IPO11: variants seen among roughly 807,000 people sequenced by gnomAD.
IPO11 encodes the protein importin-11.
A neutral mutation model predicts 143.2 loss-of-function variants in IPO11; 66 were observed. The ratio of observed to expected loss-of-function variants is 0.46; its 90% CI spans 0.38 to 0.57. IPO11 has a LOEUF of 0.57. IPO11 is among the 20% of genes least tolerant of loss of function. The pLI is 0.00. For synonymous variants in IPO11, 385 were observed against 377.8 expected (o/e 1.02, Z -0.22); for missense variants, 1,026 against 1,141.0 (o/e 0.90, Z 1.45).
At chr5:62,582,349 G>C (rs1368930128) in intron 27 of IPO11, among the ~76,000 whole-genome samples, 1 of 152,200 alleles carries the variant, frequency 6.6e-6, no homozygotes, top group African/African-American at 2.4e-5. Context: ...TGGTTGAGGC[G>C]TGGCAGGGGA....
At chr5:62,592,175 G>A (rs1366659071) in intron 28 of IPO11, among the ~76,000 whole-genome samples, 3 of 152,158 alleles carry the variant, frequency 2.0e-5, no homozygotes, top group South Asian at 2.1e-4. Flanking sequence ...ATGTTACAGC[G>A]ACAACCTGAA....
At chr5:62,616,994 A>C (rs1239864132) in intron 29 of IPO11, among the ~76,000 whole-genome samples, 1 of 152,186 alleles carries the variant, frequency 6.6e-6, no homozygotes, top group African/African-American at 2.4e-5. Flanking sequence ...CTCATTCAAC[A>C]TTTCCTCTTT....
intron 29 of IPO11, among the ~76,000 whole-genome samples, chr5:62,625,205 T>G (rs1746523284): frequency 6.6e-6 from 1 of 152,110 alleles, no homozygotes. Flanking sequence ...AAACTTTGTT[T>G]CAAGGAATAG....
chr5:62,518,712 T>C (rs1359356715), intron 20 of IPO11, among the ~76,000 whole-genome samples: 1 of 152,198 alleles, frequency 6.6e-6, no homozygotes, highest in Non-Finnish European at 1.5e-5. Context: ...TAAGTTTCTG[T>C]ATGTTTTTGT....
rs570679697 is a variant in IPO11 at position 62,423,827 on chromosome 5, C to A, written c.-7+10898C>A. Among the ~76,000 whole-genome samples, 6 of 152,224 alleles carry A rather than the reference C, an allele frequency of 3.9e-5. No individual in the cohort carries two copies. In the South Asian group the frequency reaches 1.2e-3, roughly 32 times the overall value. On this transcript the variant is annotated intron_variant, in intron 1 of 29. Transcript: ENST00000325324. ...TAAGTTTTCTAATATACTCACTTTT[C>A]TATTTTGATTATTGTAGAACTCTTC...
intron 7 of IPO11, among the ~76,000 whole-genome samples, chr5:62,473,248 T>C (rs1745845600): frequency 6.6e-6 from 1 of 152,178 alleles, no homozygotes; most frequent in African/African-American, 2.4e-5. Context: ...TTTCATCACG[T>C]TTCCAGAAGG....
chr5:62,509,765 A>G (rs186153374), intron 19 of IPO11, among the ~76,000 whole-genome samples: 23 of 152,300 alleles, frequency 1.5e-4, no homozygotes, highest in Admixed American at 3.9e-4. Flanking sequence ...TTGTGTGTGT[A>G]ATACCACATG....
At chr5:62,433,613 A>G (rs1430751800) in intron 1 of IPO11, among the ~76,000 whole-genome samples, 6 of 152,170 alleles carry the variant, frequency 3.9e-5, no homozygotes, top group Non-Finnish European at 8.8e-5. Flanking sequence ...GGTGCCCCAA[A>G]AATGTATGAA....
chr5:62,437,473 T>G, intron 2 of IPO11, 56 bp downstream of exon 2: 1 of 1,499,188 alleles, frequency 6.7e-7, no homozygotes, highest in Non-Finnish European at 9.1e-7. Flanking sequence ...ACAACATTAA[T>G]TTGTTTTAAA....
intron 27 of IPO11, among the ~76,000 whole-genome samples, chr5:62,576,713 G>T (rs1744325159): frequency 6.6e-6 from 1 of 152,184 alleles, no homozygotes; most frequent in African/African-American, 2.4e-5. Context: ...AGACTGGGAG[G>T]TCGATGCTGT....
At chr5:62,462,995 C>T (rs1580207666) in intron 5 of IPO11, among the ~76,000 whole-genome samples, 2 of 151,604 alleles carry the variant, frequency 1.3e-5, no homozygotes, top group African/African-American at 4.9e-5. Context: ...CTAATTTACA[C>T]ACATATATTA....
chr5:62,587,281 A>T (rs1744831853), intron 27 of IPO11, among the ~76,000 whole-genome samples: 1 of 152,146 alleles, frequency 6.6e-6, no homozygotes, highest in Non-Finnish European at 1.5e-5. Flanking sequence ...ATGCAAAAAA[A>T]ATTCAACTTT....
At chr5:62,609,741 G>T (rs1745862750) in intron 29 of IPO11, among the ~76,000 whole-genome samples, 1 of 152,226 alleles carries the variant, frequency 6.6e-6, no homozygotes, top group African/African-American at 2.4e-5. Flanking sequence ...GCTGGGTGAG[G>T]TGATGGGCAC....
At chr5:62,504,545 G>C (rs571643577) in intron 16 of IPO11, 122 bp from the exon 17 acceptor site, 69 of 584,480 alleles carry the variant, frequency 1.2e-4, no homozygotes, top group Non-Finnish European at 2.0e-4. Context: ...ATATTTACAT[G>C]GTCTGTGACT....
At position 62,431,632 on chromosome 5, in the gene IPO11, C is replaced by T. The variant is rs564927637; in HGVS notation, c.-6-5642C>T. 7.9e-5 allele frequency among the ~76,000 whole-genome samples: 12 copies of T among 152,216 alleles called. No individual in the cohort carries two copies. The East Asian group carries it at 1.9e-3, about 25-fold the overall frequency. ...ATGCCAGCTGTACCACCGGCTTACT[C>T]AAGATAGCCATTGAAACAAGGCATG... On this transcript the variant is annotated intron_variant, in intron 1 of 29. Coordinates refer to ENST00000325324, the MANE Select transcript of IPO11 (RefSeq NM_016338.5).
At chr5:62,564,333 T>G (rs916482006) in intron 27 of IPO11, among the ~76,000 whole-genome samples, 1 of 152,216 alleles carries the variant, frequency 6.6e-6, no homozygotes, top group Non-Finnish European at 1.5e-5. Flanking sequence ...ACCTTTATTC[T>G]AGTTAACTAC....
chr5:62,619,578 G>A (rs1746268980), intron 29 of IPO11, among the ~76,000 whole-genome samples: 2 of 152,082 alleles, frequency 1.3e-5, no homozygotes, highest in South Asian at 4.2e-4. Flanking sequence ...AACAGGCCGG[G>A]CGTGGTGGCT....
intron 27 of IPO11, chr5:62,575,877 A>C (rs1744297513): frequency 6.6e-6 from 1 of 152,222 alleles, no homozygotes; most frequent in Non-Finnish European, 1.5e-5. Flanking sequence ...TACATTGAGC[A>C]AAAGAATTCT....
intron 1 of IPO11, among the ~76,000 whole-genome samples, chr5:62,424,208 G>A (rs373569522): frequency 4.0e-5 from 6 of 149,432 alleles, no homozygotes; most frequent in Admixed American, 3.4e-4. Context: ...GGCGCAATCC[G>A]AGCTCACTGC....
Sources: gnomAD v4.1 joint callset for allele counts (sites outside exome capture counted in the v4.1 genomes callset) on GRCh38, gnomAD v4.1.1 for gene constraint, MANE v1.5 for transcripts, NCBI Gene and HGNC (gene_info 2026-07-23, HGNC 2026-07-21) for gene names.